ALK: variants seen among roughly 807,000 people sequenced by gnomAD.
ALK encodes the protein ALK tyrosine kinase receptor.
Under a neutral mutation model 163.1 loss-of-function variants are expected in ALK, and 74 were observed. The ratio of observed to expected loss-of-function variants is 0.45; its 90% CI spans 0.38 to 0.55. The LOEUF (loss-of-function observed/expected upper bound fraction) is 0.55, where lower values mean the gene tolerates loss of function less well. ALK is among the 20% of genes least tolerant of loss of function. ALK has a pLI of 0.00. For synonymous variants in ALK, 960 were observed against 843.2 expected (o/e 1.14, Z -2.40); for missense variants, 2,063 against 2,105.3 (o/e 0.98, Z 0.39).
At chr2:29,432,522 T>C (rs572134083) in intron 4 of ALK, among the ~76,000 whole-genome samples, 15 of 152,284 alleles carry the variant, frequency 9.9e-5, no homozygotes, top group Admixed American at 3.3e-4. Flanking sequence ...GTATCACTTA[T>C]AGCAATGCAA....
chr2:29,634,809 G>C (rs1460250772), intron 3 of ALK, among the ~76,000 whole-genome samples: 2 of 152,030 alleles, frequency 1.3e-5, no homozygotes, highest in Admixed American at 1.3e-4. Context: ...CAAAGAAACA[G>C]AAATAAAAGA....
chr2:29,752,064 C>T (rs141415626), intron 1 of ALK, among the ~76,000 whole-genome samples: 10 of 152,254 alleles, frequency 6.6e-5, no homozygotes, highest in African/African-American at 1.9e-4. Flanking sequence ...AAAGACCTTA[C>T]CTGTACTCTA....
At chr2:29,768,707 A>ATATGTT (rs1426226715) in intron 1 of ALK, among the ~76,000 whole-genome samples, 2 of 85,222 alleles carry the variant, frequency 2.3e-5, no homozygotes, top group South Asian at 9.5e-4. Context: ...ATTAAATTAT[A>ATATGTT]TATGTCTGTG....
At chr2:29,209,943 A>T (rs1669420491) in intron 24 of ALK, 65 bp from the exon 25 acceptor site, 1 of 1,313,836 alleles carries the variant, frequency 7.6e-7, no homozygotes, top group Non-Finnish European at 1.1e-6. Flanking sequence ...AACGGCCATC[A>T]CTAGGATTTT....
intron 2 of ALK, among the ~76,000 whole-genome samples, chr2:29,705,262 T>C (rs1489396821): frequency 1.4e-5 from 1 of 73,114 alleles, no homozygotes; most frequent in African/African-American, 4.6e-5. Flanking sequence ...TATATATATA[T>C]ATATATATAT....
chr2:29,635,355 C>A (rs1315670201), intron 3 of ALK, among the ~76,000 whole-genome samples: 2 of 152,076 alleles, frequency 1.3e-5, no homozygotes, highest in Non-Finnish European at 2.9e-5. Context: ...CCTAGATGAT[C>A]CAGGTGAGCC....
chr2:29,208,042 T>C (rs1669360586), intron 25 of ALK: 3 of 454,322 alleles, frequency 6.6e-6, no homozygotes, highest in Middle Eastern at 3.3e-4. Context: ...ATGTATCAGG[T>C]ACTCTGCCAT....
chr2:29,330,723 G>A (rs919377755), intron 5 of ALK, among the ~76,000 whole-genome samples: 1 of 152,132 alleles, frequency 6.6e-6, no homozygotes, highest in African/African-American at 2.4e-5. Flanking sequence ...TGGGCAATGT[G>A]ATCACCAGAC....
chr2:29,410,751 T>C (rs1012910203), intron 4 of ALK, among the ~76,000 whole-genome samples: 1 of 152,200 alleles, frequency 6.6e-6, no homozygotes, highest in African/African-American at 2.4e-5. Context: ...TGTAAGGCAC[T>C]TGCCATGAAT....
intron 4 of ALK, among the ~76,000 whole-genome samples, chr2:29,507,094 T>C (rs1672347738): frequency 6.6e-6 from 1 of 152,202 alleles, no homozygotes; most frequent in South Asian, 2.1e-4. Flanking sequence ...AGCAGCATTA[T>C]TCACAATAGT....
intron 4 of ALK, among the ~76,000 whole-genome samples, chr2:29,518,417 C>T (rs78326251): frequency 0.039 from 5,927 of 152,236 alleles, 364 homozygotes; most frequent in African/African-American, 0.13. Context: ...CAAGAAAGGC[C>T]TTCTTTGCCT....
chr2:29,588,530 C>T (rs540414595), intron 3 of ALK, among the ~76,000 whole-genome samples: 2 of 152,068 alleles, frequency 1.3e-5, no homozygotes, highest in African/African-American at 2.4e-5. Context: ...CGCACCTGGC[C>T]GAGAAAGAAA....
intron 3 of ALK, among the ~76,000 whole-genome samples, chr2:29,543,388 C>T (rs1373478082): frequency 6.6e-6 from 1 of 152,208 alleles, no homozygotes; most frequent in Admixed American, 6.5e-5. Flanking sequence ...GTCCTTTATG[C>T]ATAATTTGCC....
At position 29,556,255 on chromosome 2, in the gene ALK, C is replaced by T. The variant is rs747557233; in HGVS notation, c.953-24139G>A. Reference sequence around the variant, plus strand: ...TGTGTGATCTTACTGTAGGACAAGGCATGTAGCGTTTCTAAAGTGTCTATG... The same window carrying T: ...TGTGTGATCTTACTGTAGGACAAGGTATGTAGCGTTTCTAAAGTGTCTATG... On this transcript the variant is annotated intron_variant, in intron 3 of 28. Transcript: ENST00000389048. Among the ~76,000 whole-genome samples, 3 of 152,286 alleles carry T rather than the reference C, an allele frequency of 2.0e-5. No individual in the cohort carries two copies. In the East Asian group the frequency reaches 5.8e-4, roughly 29 times the overall value.
intron 3 of ALK, among the ~76,000 whole-genome samples, chr2:29,568,951 T>C (rs1174986789): frequency 6.7e-6 from 1 of 149,160 alleles, no homozygotes; most frequent in African/African-American, 2.4e-5. Context: ...GCTGGGTCTC[T>C]CCACCTTTTA....
At chr2:29,556,806 C>G (rs1268009134) in intron 3 of ALK, among the ~76,000 whole-genome samples, 2 of 152,216 alleles carry the variant, frequency 1.3e-5, no homozygotes, top group African/African-American at 4.8e-5. Context: ...TACTAGCCCT[C>G]AAGGGCCATG....
chr2:29,391,310 G>GT (rs1553310355), intron 4 of ALK, among the ~76,000 whole-genome samples: 11 of 142,794 alleles, frequency 7.7e-5, no homozygotes, highest in African/African-American at 2.3e-4. Context: ...TTTTTTGGGG[G>GT]GGGGGTGGTG....
At chr2:29,919,955 A>C (rs754460109) in intron 1 of ALK, 38 bp downstream of exon 1, 25 of 1,606,382 alleles carry the variant, frequency 1.6e-5, no homozygotes, top group Non-Finnish European at 2.1e-5. Context: ...GTGACTAAAA[A>C]CACTAAATCC....
intron 2 of ALK, among the ~76,000 whole-genome samples, chr2:29,697,693 C>T (rs1678614545): frequency 1.3e-5 from 2 of 152,176 alleles, no homozygotes; most frequent in South Asian, 4.1e-4. Context: ...CAGTTTGAGT[C>T]CAGGCATGAC....
Sources: gnomAD v4.1 joint callset for allele counts (sites outside exome capture counted in the v4.1 genomes callset) on GRCh38, gnomAD v4.1.1 for gene constraint, MANE v1.5 for transcripts, NCBI Gene and HGNC (gene_info 2026-07-23, HGNC 2026-07-21) for gene names.